TTC28: variants seen among roughly 807,000 people sequenced by gnomAD.
The protein encoded by TTC28 is tetratricopeptide repeat domain 28.
In TTC28, 61 loss-of-function variants were observed where a neutral mutation model predicts 198.0. The ratio of observed to expected loss-of-function variants is 0.31; its 90% CI spans 0.25 to 0.38. The LOEUF (loss-of-function observed/expected upper bound fraction) is 0.38, where lower values mean the gene tolerates loss of function less well. Among genes scored for constraint, TTC28 ranks in the 10% least tolerant of loss-of-function variants. The probability of loss-of-function intolerance (pLI) is 1.00; values close to 1 mark genes in which losing one functional copy is unlikely to be tolerated. For missense variants in TTC28, 2,678 were observed against 3,164.0 expected, an observed-to-expected ratio of 0.85 and a Z score of 3.69; for synonymous variants, 1,171 against 1,297.8, an observed-to-expected ratio of 0.90 and a Z score of 2.10.
intron 2 of TTC28, among the ~76,000 whole-genome samples, chr22:28,537,019 C>T (rs1476614365): frequency 6.6e-6 from 1 of 151,712 alleles, no homozygotes. Flanking sequence ...ATTGGCCGGG[C>T]GCGGTGGCTC....
chr22:28,184,875 A>C (rs1297670390), intron 5 of TTC28, among the ~76,000 whole-genome samples: 1 of 152,122 alleles, frequency 6.6e-6, no homozygotes, highest in African/African-American at 2.4e-5. Flanking sequence ...TATAGGGTAC[A>C]GGTTAAGGGA....
At chr22:28,009,933 G>A (rs534305949) in intron 14 of TTC28, among the ~76,000 whole-genome samples, 4 of 152,338 alleles carry the variant, frequency 2.6e-5, no homozygotes, top group African/African-American at 9.6e-5. Context: ...TGCTTGCTCT[G>A]ATGATTTACT....
At chr22:28,185,689 C>T (rs1362091456) in intron 5 of TTC28, among the ~76,000 whole-genome samples, 3 of 151,974 alleles carry the variant, frequency 2.0e-5, no homozygotes, top group Non-Finnish European at 4.4e-5. Flanking sequence ...ATCCTGATTT[C>T]AGAGATATTA....
At chr22:28,400,220 C>G (rs537170476) in intron 2 of TTC28, among the ~76,000 whole-genome samples, 1 of 152,244 alleles carries the variant, frequency 6.6e-6, no homozygotes, top group South Asian at 2.1e-4. Flanking sequence ...CAAATTTATA[C>G]CAAACCTATA....
intron 5 of TTC28, among the ~76,000 whole-genome samples, chr22:28,165,481 G>T (rs135657): frequency 1.3e-5 from 2 of 149,904 alleles, no homozygotes; most frequent in African/African-American, 2.4e-5. Context: ...GCTGATCTCA[G>T]GACAGAAACT....
At chr22:28,620,549 A>T (rs2050978602) in intron 2 of TTC28, among the ~76,000 whole-genome samples, 1 of 152,216 alleles carries the variant, frequency 6.6e-6, no homozygotes, top group Non-Finnish European at 1.5e-5. Context: ...AGATCCTAAC[A>T]CAGTTCTTTG....
At chr22:28,287,849 A>C (rs947654698) in intron 5 of TTC28, among the ~76,000 whole-genome samples, 1 of 152,194 alleles carries the variant, frequency 6.6e-6, no homozygotes, top group Non-Finnish European at 1.5e-5. Context: ...GATCAAGAAG[A>C]AACTAGAATC....
chr22:28,483,637 G>A (rs1221338764), intron 2 of TTC28, among the ~76,000 whole-genome samples: 3 of 152,096 alleles, frequency 2.0e-5, no homozygotes, highest in Non-Finnish European at 2.9e-5. Flanking sequence ...TTGATCACCA[G>A]TATACTCTGT....
chr22:28,458,880 C>CA (rs770042819), intron 2 of TTC28, among the ~76,000 whole-genome samples: 4,344 of 105,138 alleles, frequency 0.041, 91 homozygotes, highest in African/African-American at 0.086. Context: ...GACTCCATCT[C>CA]AAAAAAAAAA....
At chr22:28,321,236 C>G (rs2045441617) in intron 2 of TTC28, among the ~76,000 whole-genome samples, 1 of 151,980 alleles carries the variant, frequency 6.6e-6, no homozygotes, top group East Asian at 1.9e-4. Flanking sequence ...AGTATAGTGG[C>G]CTGTTTGGTT....
At chr22:28,579,234 CAT>C (rs886161574) in intron 2 of TTC28, among the ~76,000 whole-genome samples, 45 of 149,834 alleles carry the variant, frequency 3.0e-4, no homozygotes, top group Admixed American at 1.3e-3. Flanking sequence ...TGTAGCTACA[CAT>C]AGATATGTAT....
chr22:28,673,753 C>G (rs1336183124), intron 1 of TTC28, among the ~76,000 whole-genome samples: 1 of 152,110 alleles, frequency 6.6e-6, no homozygotes, highest in Non-Finnish European at 1.5e-5. Flanking sequence ...TGTGAATATA[C>G]AAGAAACATG....
chr22:28,330,166 A>C (rs1300482958), intron 2 of TTC28, among the ~76,000 whole-genome samples: 3 of 152,218 alleles, frequency 2.0e-5, no homozygotes, highest in Non-Finnish European at 4.4e-5. Flanking sequence ...TAGAAACTTA[A>C]TAAATAATTT....
intron 2 of TTC28, among the ~76,000 whole-genome samples, chr22:28,504,604 T>C (rs2048580381): frequency 6.6e-6 from 1 of 152,188 alleles, no homozygotes; most frequent in South Asian, 2.1e-4. Context: ...TAGTGCAGTA[T>C]TTCAACGTAA....
intron 2 of TTC28, among the ~76,000 whole-genome samples, chr22:28,361,739 T>A (rs2046162645): frequency 6.6e-6 from 1 of 152,198 alleles, no homozygotes; most frequent in Non-Finnish European, 1.5e-5. Flanking sequence ...AGTCAATGCC[T>A]GGCTTCAAAG....
intron 2 of TTC28, among the ~76,000 whole-genome samples, chr22:28,487,385 C>T (rs1366194964): frequency 6.6e-6 from 1 of 151,546 alleles, no homozygotes; most frequent in African/African-American, 2.4e-5. Context: ...TACACATAAA[C>T]ATATATATCT....
At chr22:28,209,233 G>A (rs573143944) in intron 5 of TTC28, among the ~76,000 whole-genome samples, 3 of 152,320 alleles carry the variant, frequency 2.0e-5, no homozygotes, top group South Asian at 2.1e-4. Flanking sequence ...CAGCATGAGC[G>A]ACACAGAAGA....
At chr22:28,567,026 T>C (rs1439983709) in intron 2 of TTC28, among the ~76,000 whole-genome samples, 1 of 151,898 alleles carries the variant, frequency 6.6e-6, no homozygotes, top group Non-Finnish European at 1.5e-5. Flanking sequence ...ACCAGCCTGG[T>C]CAACATGGCG....
chr22:28,392,262 A>T (rs1326817255), intron 2 of TTC28, among the ~76,000 whole-genome samples: 1 of 152,228 alleles, frequency 6.6e-6, no homozygotes, highest in Non-Finnish European at 1.5e-5. Context: ...AGACAGGGAC[A>T]TCTAAGTCTG....
Sources: gnomAD v4.1 joint callset for allele counts (sites outside exome capture counted in the v4.1 genomes callset) on GRCh38, gnomAD v4.1.1 for gene constraint, MANE v1.5 for transcripts, NCBI Gene and HGNC (gene_info 2026-07-23, HGNC 2026-07-21) for gene names.